The following XKR4 variants were observed in gnomAD, a reference collection of about 807,000 sequenced individuals.
XKR4 encodes the protein XK-related protein 4.
A neutral mutation model predicts 53.9 loss-of-function variants in XKR4; 12 were observed. The observed-to-expected ratio is 0.22, with a 90% CI of 0.14 to 0.36. The LOEUF (loss-of-function observed/expected upper bound fraction) is 0.36. Ranked by LOEUF, XKR4 falls within the 10% of genes least tolerant of loss-of-function variation. The pLI is 1.00. For synonymous variants in XKR4, 354 were observed against 362.4 expected, an observed-to-expected ratio of 0.98 and a Z score of 0.26; for missense variants, 799 against 859.5, an observed-to-expected ratio of 0.93 and a Z score of 0.88.
chr8:55,113,922 G>A (rs1355527915), intron 1 of XKR4, among the ~76,000 whole-genome samples: 1 of 152,134 alleles, frequency 6.6e-6, no homozygotes, highest in Non-Finnish European at 1.5e-5. Flanking sequence ...TTTAGTGGCT[G>A]TATAGTATTC....
At chr8:55,113,578 A>C (rs961185358) in intron 1 of XKR4, among the ~76,000 whole-genome samples, 2 of 152,178 alleles carry the variant, frequency 1.3e-5, no homozygotes, top group Non-Finnish European at 2.9e-5. Flanking sequence ...ATATATATTT[A>C]TTTAATTTTT....
intron 2 of XKR4, among the ~76,000 whole-genome samples, chr8:55,504,642 T>C (rs1806497319): frequency 6.6e-6 from 1 of 152,210 alleles, no homozygotes; most frequent in Non-Finnish European, 1.5e-5. Flanking sequence ...GTAATTCCTC[T>C]TTAAATATTT....
At chr8:55,203,002 C>A (rs574676947) in intron 1 of XKR4, among the ~76,000 whole-genome samples, 6 of 152,098 alleles carry the variant, frequency 3.9e-5, no homozygotes, top group Non-Finnish European at 8.8e-5. Context: ...TTTGAAAGAC[C>A]GAGGAGACTG....
chr8:55,164,608 A>C, intron 1 of XKR4: 2 of 337,590 alleles, frequency 5.9e-6, no homozygotes, highest in South Asian at 2.4e-5. Context: ...ATGGCTGGAC[A>C]GCAAGAAAGG....
At chr8:55,223,289 C>T (rs1817908113) in intron 1 of XKR4, among the ~76,000 whole-genome samples, 1 of 152,186 alleles carries the variant, frequency 6.6e-6, no homozygotes, top group African/African-American at 2.4e-5. Context: ...ATAGATGCCT[C>T]CCATGGAAGA....
At chr8:55,247,859 T>TTTCTTTC (rs1320800980) in intron 1 of XKR4, among the ~76,000 whole-genome samples, 462 of 44,318 alleles carry the variant, frequency 0.01, 5 homozygotes, top group African/African-American at 0.023. Context: ...TTCTTTCTTT[T>TTTCTTTC]TTTTTTTTTT....
At chr8:55,392,650 G>A (rs1460796117) in intron 2 of XKR4, among the ~76,000 whole-genome samples, 8 of 151,788 alleles carry the variant, frequency 5.3e-5, no homozygotes, top group African/African-American at 1.9e-4. Context: ...AATTAGCCAG[G>A]TGTGGTGGCG....
intron 2 of XKR4, among the ~76,000 whole-genome samples, chr8:55,360,316 T>C (rs1358349197): frequency 6.6e-6 from 1 of 152,226 alleles, no homozygotes; most frequent in Non-Finnish European, 1.5e-5. Flanking sequence ...ACCTGAAACC[T>C]GTCTTCAGAG....
chr8:55,334,707 T>C (rs1363235944), intron 1 of XKR4, among the ~76,000 whole-genome samples: 1 of 152,174 alleles, frequency 6.6e-6, no homozygotes, highest in Non-Finnish European at 1.5e-5. Flanking sequence ...TGGCCTGAGA[T>C]GTGTATGGGT....
rs562046253 is a variant in XKR4, at chr8:55,450,522, C to A, written c.1007-72759C>A. 1.9e-4 allele frequency: 124 copies of A among 655,422 alleles called. No individual in the cohort carries two copies. In the African/African-American group the frequency reaches 2.0e-3, roughly 11 times the overall value. 40.6% of individuals were successfully genotyped at this position (655,422 alleles called of 1,614,324 possible). On this transcript the variant is annotated intron_variant, in intron 2 of 2. Transcript: ENST00000327381. ...AGCTCAATGTGCTCATAGTCAGAGT[C>A]CAGTAGGAAGGTCTAGAAACAGCGG...
chr8:55,143,098 G>A (rs759774806), intron 1 of XKR4, among the ~76,000 whole-genome samples: 2 of 152,240 alleles, frequency 1.3e-5, no homozygotes, highest in Middle Eastern at 6.8e-3. Context: ...ACGTTGTTAT[G>A]GTTCACTTAT....
At chr8:55,218,909 C>T (rs1817839791) in intron 1 of XKR4, among the ~76,000 whole-genome samples, 1 of 152,028 alleles carries the variant, frequency 6.6e-6, no homozygotes, top group African/African-American at 2.4e-5. Flanking sequence ...GAGACGCACA[C>T]AAGAGCAGGC....
intron 2 of XKR4, among the ~76,000 whole-genome samples, chr8:55,482,409 T>G (rs1350830624): frequency 6.6e-6 from 1 of 151,452 alleles, no homozygotes; most frequent in Non-Finnish European, 1.5e-5. Context: ...GGTCGGGGCA[T>G]GGGGGAGGGA....
intron 2 of XKR4, among the ~76,000 whole-genome samples, chr8:55,401,972 A>G (rs1804607858): frequency 6.6e-6 from 1 of 152,124 alleles, no homozygotes; most frequent in African/African-American, 2.4e-5. Flanking sequence ...TAACTTGACT[A>G]TTGATACAAA....
intron 2 of XKR4, among the ~76,000 whole-genome samples, chr8:55,441,150 G>A (rs751628757): frequency 3.9e-5 from 6 of 152,004 alleles, no homozygotes; most frequent in Non-Finnish European, 7.4e-5. Context: ...TGAGGTGGGA[G>A]GATCACTTAA....
chr8:55,432,465 T>C (rs2129393713), intron 2 of XKR4, among the ~76,000 whole-genome samples: 1 of 152,362 alleles, frequency 6.6e-6, no homozygotes, highest in Middle Eastern at 3.4e-3. Context: ...CCTCCCTGTA[T>C]GATCCTTGCA....
chr8:55,517,526 C>T (rs1031621888), intron 2 of XKR4: 1 of 152,234 alleles, frequency 6.6e-6, no homozygotes, highest in African/African-American at 2.4e-5. Context: ...ATGAATGATG[C>T]TTCAACTGAA....
At chr8:55,454,431 G>A in intron 2 of XKR4, 1 of 1,207,584 alleles carries the variant, frequency 8.3e-7, no homozygotes. Flanking sequence ...GCATCGGTGA[G>A]CTGCTGGTAG....
In XKR4 at chr8:55,300,063, C is replaced by T. The variant is rs79910293; in HGVS notation, c.807-57615C>T. 3.1e-3 allele frequency among the ~76,000 whole-genome samples: 472 copies of T among 152,198 alleles called. 4 individuals carry two copies. The highest frequency in any genetic ancestry group is 0.011 in the African/African-American group (438 of 41,526). ...AGCCCCCGCTGTAGGTGGAGAACCA[C>T]GAATTCATGGATACCAAGAGCTGAT... On this transcript the variant is annotated intron_variant, in intron 1 of 2. Coordinates refer to ENST00000327381, the MANE Select transcript of XKR4 (RefSeq NM_052898.2).
Sources: gnomAD v4.1 joint callset for allele counts (sites outside exome capture counted in the v4.1 genomes callset) on GRCh38, gnomAD v4.1.1 for gene constraint, MANE v1.5 for transcripts, NCBI Gene and HGNC (gene_info 2026-07-23, HGNC 2026-07-21) for gene names.